The following PUM3 variants were observed in gnomAD, a reference collection of about 807,000 sequenced individuals.
The protein encoded by PUM3 is pumilio RNA binding family member 3, also known as pumilio homolog 3.
In PUM3, 91 loss-of-function variants were observed where a neutral mutation model predicts 84.0. The ratio of observed to expected loss-of-function variants is 1.08; its 90% CI spans 0.91 to 1.29. The LOEUF (loss-of-function observed/expected upper bound fraction) is 1.29. Ranked by LOEUF, PUM3 falls within the 50% of genes most tolerant of loss-of-function variation. The pLI is 0.00. For missense variants in PUM3, 1,067 were observed against 767.5 expected, an observed-to-expected ratio of 1.39 and a Z score of -4.61; for synonymous variants, 321 against 266.7, an observed-to-expected ratio of 1.20 and a Z score of -1.98.
intron 13 of PUM3, among the ~76,000 whole-genome samples, chr9:2,816,281 G>C (rs1821467778): frequency 6.6e-6 from 1 of 152,146 alleles, no homozygotes; most frequent in African/African-American, 2.4e-5. Context: ...TAGAGGGCAG[G>C]TTAGATCATC....
In PUM3 at chr9:2,811,460, A is replaced by G. The variant is rs1821370294; in HGVS notation, c.1536T>C (p.Ser512=). ...CTCCAGTGGCAGATCCCAGAATGTC[A>G]GACACCAACACACACGCAGACTTAT... The part of the protein sequence containing the change: ...VLDKSACVLV[S]DILGSATGDV... The change falls in exon 15 of 18, where the codon TCT becomes TCC. Residue 512 remains serine, a synonymous_variant. Transcript: ENST00000397885. 6.2e-7 allele frequency: 1 copy of G among 1,614,168 alleles called. No homozygotes were observed. The highest frequency in any genetic ancestry group is 8.5e-7 in the Non-Finnish European group (1 of 1,180,034).
At position 2,804,214 on chromosome 9, in the gene PUM3, C is replaced by T. The variant is rs1821214690; in HGVS notation, c.*117G>A. On this transcript the variant is annotated 3_prime_UTR_variant, in exon 18 of 18. Transcript: ENST00000397885. The stretch of plus-strand genomic sequence containing the variant: ...AATAGATTCGTATACAAAGAAGAAA[C>T]ACATATACAGAGTACCCCAATTACC... 1 of 960,724 alleles carries T rather than the reference C, an allele frequency of 1.0e-6. No individual in the cohort carries two copies. The highest frequency in any genetic ancestry group is 2.6e-5 in the Admixed American group (1 of 38,464). 59.5% of individuals were successfully genotyped at this position (960,724 alleles called of 1,614,324 possible). A position where few individuals can be genotyped will look rare whatever the true frequency, so the allele number is the denominator to read the frequency against.
chr9:2,817,083 C>A (rs1368962601), intron 13 of PUM3, among the ~76,000 whole-genome samples: 1 of 152,154 alleles, frequency 6.6e-6, no homozygotes, highest in African/African-American at 2.4e-5. Flanking sequence ...CTGCTAAGTG[C>A]CTTAGAGAAA....
At chr9:2,842,532 C>T (rs1448485833) in intron 1 of PUM3, among the ~76,000 whole-genome samples, 1 of 152,172 alleles carries the variant, frequency 6.6e-6, no homozygotes, top group African/African-American at 2.4e-5. Context: ...ACCCATCCTT[C>T]AAATTCAGTT....
intron 11 of PUM3, among the ~76,000 whole-genome samples, chr9:2,824,049 G>T (rs1005967107): frequency 2.0e-5 from 3 of 151,258 alleles, no homozygotes; most frequent in African/African-American, 7.3e-5. Context: ...ATGTGATAGG[G>T]TTAGGGTTAG....
At chr9:2,819,652 G>C (rs1164231438) in intron 13 of PUM3, among the ~76,000 whole-genome samples, 2 of 152,006 alleles carry the variant, frequency 1.3e-5, no homozygotes, top group African/African-American at 2.4e-5. Flanking sequence ...TTTGAGTTCT[G>C]GAATAACTAA....
chr9:2,807,028 G>A (rs908246456), intron 17 of PUM3, among the ~76,000 whole-genome samples: 9 of 152,034 alleles, frequency 5.9e-5, no homozygotes, highest in African/African-American at 2.2e-4. Flanking sequence ...CTAACACGGT[G>A]AAACCAGGTC....
intron 10 of PUM3, among the ~76,000 whole-genome samples, chr9:2,825,060 T>C (rs542600911): frequency 6.6e-6 from 1 of 152,276 alleles, no homozygotes; most frequent in South Asian, 2.1e-4. Flanking sequence ...ACCTGACTTT[T>C]ACCAATGTCT....
Position 2,807,076 on chromosome 9 carries a change from C to T in PUM3, c.1814+738G>A, listed in dbSNP as rs547378266. 4.6e-5 allele frequency among the ~76,000 whole-genome samples: 7 copies of T among 152,046 alleles called. No homozygotes were observed. In the East Asian group the frequency reaches 7.8e-4, roughly 17 times the overall value. On this transcript the variant is annotated intron_variant, in intron 17 of 17. Coordinates refer to ENST00000397885, the MANE Select transcript of PUM3 (RefSeq NM_014878.5). Reference sequence around the variant, plus strand: ...AAAAAAAATTAGCTGGGCGTGGTGGCGGGCACCTGCCGTTCCAGCTACTCA... The same window carrying T: ...AAAAAAAATTAGCTGGGCGTGGTGGTGGGCACCTGCCGTTCCAGCTACTCA...
chr9:2,809,482 T>C (rs372446935), intron 16 of PUM3, among the ~76,000 whole-genome samples: 4 of 152,256 alleles, frequency 2.6e-5, no homozygotes, highest in African/African-American at 9.6e-5. Flanking sequence ...TAGTGAAAAA[T>C]AGCCCCAGGT....
chr9:2,839,145 T>C (rs902811567), intron 1 of PUM3, among the ~76,000 whole-genome samples: 2 of 152,214 alleles, frequency 1.3e-5, no homozygotes, highest in African/African-American at 4.8e-5. Context: ...ATCTGTCTAA[T>C]AGGCGCTTTA....
intron 1 of PUM3, among the ~76,000 whole-genome samples, chr9:2,842,276 C>G (rs1816285876): frequency 6.6e-6 from 1 of 152,120 alleles, no homozygotes; most frequent in African/African-American, 2.4e-5. Context: ...TGTTTAGATC[C>G]TATCTGCTTT....
At chr9:2,843,786 G>A (rs1357774018) in intron 1 of PUM3, among the ~76,000 whole-genome samples, 2 of 151,882 alleles carry the variant, frequency 1.3e-5, no homozygotes, top group Non-Finnish European at 2.9e-5. Context: ...CACCGTGTTA[G>A]CCAGGATGGT....
intron 1 of PUM3, 107 bp from the exon 2 acceptor site, chr9:2,838,624 A>G: frequency 7.3e-6 from 5 of 685,516 alleles, no homozygotes; most frequent in Middle Eastern, 2.6e-4. Flanking sequence ...TACAAATACA[A>G]TACAAATCAG....
At chr9:2,832,772 G>C (rs945023324) in intron 5 of PUM3, among the ~76,000 whole-genome samples, 8 of 152,138 alleles carry the variant, frequency 5.3e-5, no homozygotes, top group Non-Finnish European at 8.8e-5. Flanking sequence ...ACTTGACAAA[G>C]GCTGCCCCTC....
In PUM3 at chr9:2,829,761, C is replaced by A; in HGVS notation, c.852+13G>T. On this transcript the variant is annotated intron_variant, in intron 8 of 17. Coordinates refer to ENST00000397885, the MANE Select transcript of PUM3 (RefSeq NM_014878.5). ...AAGTAAAAATACTAGAAAAAGACTT[C>A]TGGAGATGTCACCTTGTAAAGCTGA... 6.2e-7 allele frequency: 1 copy of A among 1,601,236 alleles called. No individual in the cohort carries two copies. The highest frequency in any genetic ancestry group is 8.5e-7 in the Non-Finnish European group (1 of 1,171,246).
rs1352582020 is a variant in PUM3 at position 2,819,292 on chromosome 9, AT to A, written c.1269+725del. ...AAGAAAACACATAGTTTAGAATGCA[AT>A]TTTTACTTTGGAGTACTTCCCCTAA... On this transcript the variant is annotated intron_variant, in intron 13 of 17. Transcript: ENST00000397885. Among the ~76,000 whole-genome samples the A allele has an allele frequency of 3.3e-5, 5 of 152,304 alleles. No homozygotes were observed. In the East Asian group the frequency reaches 9.6e-4, roughly 29 times the overall value.
chr9:2,807,001 G>C (rs1303058406), intron 17 of PUM3, among the ~76,000 whole-genome samples: 1 of 152,060 alleles, frequency 6.6e-6, no homozygotes, highest in Non-Finnish European at 1.5e-5. Flanking sequence ...GAGGTCAGGA[G>C]ATCGAGACCA....
rs1816060179 is a variant in PUM3 at position 2,834,153 on chromosome 9, C to A, written c.318G>T (p.Lys106Asn). ...PDGRSDESAA[K>N]KPKWDDFKKK... ...TTTTGAAGTCATCCCATTTGGGCTT[C>A]TTGGCTGCTGATTCTAGTTATTATA... Residue 106 changes from lysine (K) to asparagine (N), a missense_variant, in exon 4 of 18, where the codon AAG becomes AAT. Transcript: ENST00000397885. 3 of 1,611,962 alleles carry A rather than the reference C, an allele frequency of 1.9e-6. No homozygotes were observed. The highest frequency in any genetic ancestry group is 8.5e-7 in the Non-Finnish European group (1 of 1,179,158).
Sources: gnomAD v4.1 joint callset for allele counts (sites outside exome capture counted in the v4.1 genomes callset) on GRCh38, gnomAD v4.1.1 for gene constraint, MANE v1.5 for transcripts, NCBI Gene and HGNC (gene_info 2026-07-23, HGNC 2026-07-21) for gene names.